Variants in MTUS1 observed in about 807,000 individuals in gnomAD.
MTUS1 encodes the protein microtubule associated scaffold protein 1.
Under a neutral mutation model 120.8 loss-of-function variants are expected in MTUS1, and 109 were observed. The observed-to-expected ratio is 0.90, with a 90% CI of 0.77 to 1.06. The LOEUF is 1.06. Among genes scored for constraint, MTUS1 ranks in the 50% least tolerant of loss-of-function variants. The probability of loss-of-function intolerance (pLI) is 0.00; values close to 1 mark genes in which losing one functional copy is unlikely to be tolerated. For synonymous variants in MTUS1, 737 were observed against 550.5 expected, an observed-to-expected ratio of 1.34 and a Z score of -4.74; for missense variants, 2,210 against 1,486.3, an observed-to-expected ratio of 1.49 and a Z score of -8.01.
chr8:17,774,707 T>G (rs2050276873), intron 1 of MTUS1, among the ~76,000 whole-genome samples: 1 of 152,042 alleles, frequency 6.6e-6, no homozygotes, highest in South Asian at 2.1e-4. Context: ...AAACATAGAA[T>G]TGCCATATGA....
At chr8:17,650,362 G>A (rs1457762675) in intron 12 of MTUS1, among the ~76,000 whole-genome samples, 2 of 152,166 alleles carry the variant, frequency 1.3e-5, no homozygotes, top group Non-Finnish European at 2.9e-5. Context: ...GAAAGAAAAA[G>A]CAGTGCATTA....
chr8:17,645,948 C>T lies in MTUS1; in HGVS notation c.3791G>A (p.Ser1264Asn). Residue 1264 changes from serine (S) to asparagine (N), a missense_variant, in exon 15 of 15, where the codon AGC becomes AAC. Physicochemically the swap from Ser to Asn is conservative, Grantham distance 46 (BLOSUM62 1). Coordinates refer to ENST00000693296, the MANE Select transcript of MTUS1 (RefSeq NM_001363059.2). ...QSPRNSGSFP[S>N]PSISPR ...GTGTCATCTGGGTGAAATGCTGGGGCTAGGGAAGGAGCCCGAATTCCTTGG... is the reference window on the plus strand; with the variant it reads ...GTGTCATCTGGGTGAAATGCTGGGGTTAGGGAAGGAGCCCGAATTCCTTGG... The T allele has an allele frequency of 6.2e-7, 1 of 1,612,094 alleles. No individual in the cohort carries two copies. The highest frequency in any genetic ancestry group is 8.5e-7 in the Non-Finnish European group (1 of 1,179,774).
chr8:17,789,036 C>CT (rs1047810081), intron 1 of MTUS1, among the ~76,000 whole-genome samples: 6,069 of 144,270 alleles, frequency 0.042, 256 homozygotes, highest in African/African-American at 0.11. Context: ...TTTTAGTTGT[C>CT]TTTTTTTTTT....
At chr8:17,758,379 T>C (rs142745028) in intron 1 of MTUS1, among the ~76,000 whole-genome samples, 1 of 151,614 alleles carries the variant, frequency 6.6e-6, no homozygotes, top group Non-Finnish European at 1.5e-5. Context: ...AAAAGCGATT[T>C]TGAATCCAAA....
At chr8:17,727,827 G>A in intron 3 of MTUS1, among the ~76,000 whole-genome samples, 2 of 152,212 alleles carry the variant, frequency 1.3e-5, no homozygotes, top group South Asian at 4.1e-4. Context: ...ACAACAGATT[G>A]GTTTTTATTC....
chr8:17,686,058 C>T (rs1047319828), intron 6 of MTUS1, among the ~76,000 whole-genome samples: 8 of 152,198 alleles, frequency 5.3e-5, no homozygotes, highest in East Asian at 1.9e-4. Flanking sequence ...GAAATTGTCA[C>T]ATAACACATA....
intron 1 of MTUS1, among the ~76,000 whole-genome samples, chr8:17,757,739 C>A (rs1453637399): frequency 6.6e-6 from 1 of 152,152 alleles, no homozygotes; most frequent in Admixed American, 6.5e-5. Flanking sequence ...ACTGGCCAGG[C>A]TGGTCTCGAA....
chr8:17,649,454 A>C (rs1046889160), intron 13 of MTUS1, among the ~76,000 whole-genome samples: 1 of 152,182 alleles, frequency 6.6e-6, no homozygotes, highest in African/African-American at 2.4e-5. Flanking sequence ...ATTTCTATTC[A>C]TTTCTATTAA....
At chr8:17,651,284 T>C (rs1054331673) in intron 12 of MTUS1, among the ~76,000 whole-genome samples, 2 of 152,056 alleles carry the variant, frequency 1.3e-5, no homozygotes, top group Non-Finnish European at 2.9e-5. Flanking sequence ...TTCAAGAACA[T>C]AGTAGGGTGA....
intron 1 of MTUS1, among the ~76,000 whole-genome samples, chr8:17,783,379 T>C (rs766505755): frequency 7.2e-5 from 11 of 152,064 alleles, no homozygotes; most frequent in South Asian, 2.1e-4. Flanking sequence ...CCAAGTTCCC[T>C]CTCTTGCCCT....
intron 1 of MTUS1, among the ~76,000 whole-genome samples, chr8:17,793,292 C>G (rs188137758): frequency 1.3e-5 from 2 of 152,184 alleles, no homozygotes; most frequent in African/African-American, 4.8e-5. Context: ...CTCTGATGCT[C>G]TGCTCCCAAA....
Position 17,754,637 on chromosome 8 carries a change from G to C in MTUS1, c.1171C>G (p.His391Asp). 1 of 1,614,190 alleles carries C rather than the reference G, an allele frequency of 6.2e-7. No individual in the cohort carries two copies. Among genetic ancestry groups the C allele is most frequent in the South Asian group, 1.1e-5 (1 of 91,088 alleles). The change falls in exon 2 of 15, where the codon CAT becomes GAT. Residue 391 changes from histidine (H) to aspartate (D), a missense_variant. Transcript: ENST00000693296. Reference sequence around the variant, plus strand: ...CTACTTAGAATCAATTCTGAGGTATGATTTTGGGTTCCCAAATCCTTTCCT... The same window carrying C: ...CTACTTAGAATCAATTCTGAGGTATCATTTTGGGTTCCCAAATCCTTTCCT... ...SKGKDLGTQNHTSELILSSPP... is the reference protein window; with the variant it reads ...SKGKDLGTQNDTSELILSSPP...
At chr8:17,689,017 C>A (rs1433984007) in intron 6 of MTUS1, among the ~76,000 whole-genome samples, 4 of 152,110 alleles carry the variant, frequency 2.6e-5, no homozygotes, top group African/African-American at 7.2e-5. Flanking sequence ...TGAGACCATT[C>A]TGGCTAACAC....
intron 6 of MTUS1, among the ~76,000 whole-genome samples, chr8:17,692,996 T>A (rs1406446146): frequency 1.3e-5 from 2 of 152,180 alleles, no homozygotes; most frequent in Non-Finnish European, 2.9e-5. Context: ...CAGAAAGAAT[T>A]CTGTCTTTAG....
rs1805664692 is a variant in MTUS1, at chr8:17,645,872, C to G, written c.*54G>C. 6.4e-7 allele frequency: 1 copy of G among 1,565,694 alleles called. No individual in the cohort carries two copies. Among genetic ancestry groups the G allele is most frequent in the Non-Finnish European group, 8.7e-7 (1 of 1,155,768 alleles). On this transcript the variant is annotated 3_prime_UTR_variant, in exon 15 of 15. Transcript: ENST00000693296. ...GCCCACGTTCCTCCTTGGGGTCAGT[C>G]CTGCAGACCTGCATCAAAATGCTTT...
chr8:17,714,096 A>G (rs1186950853), intron 5 of MTUS1, among the ~76,000 whole-genome samples: 2 of 151,672 alleles, frequency 1.3e-5, no homozygotes, highest in African/African-American at 4.9e-5. Context: ...GGGCTTTATC[A>G]TCATCAATAA....
chr8:17,678,785 A>G (rs1329050149), intron 7 of MTUS1, among the ~76,000 whole-genome samples: 1 of 151,732 alleles, frequency 6.6e-6, no homozygotes, highest in East Asian at 1.9e-4. Flanking sequence ...CATTTTGAAG[A>G]ATTAGAGGTT....
chr8:17,730,875 G>C (rs2046528350), intron 3 of MTUS1, among the ~76,000 whole-genome samples: 2 of 152,192 alleles, frequency 1.3e-5, no homozygotes, highest in African/African-American at 4.8e-5. Context: ...GGAAAACAAA[G>C]TTCTGGAGAT....
At chr8:17,717,096 C>T (rs1034763888) in intron 4 of MTUS1, among the ~76,000 whole-genome samples, 1 of 152,194 alleles carries the variant, frequency 6.6e-6, no homozygotes, top group African/African-American at 2.4e-5. Flanking sequence ...CACATTCAAA[C>T]TTTGTACAGG....
Sources: gnomAD v4.1 joint callset for allele counts (sites outside exome capture counted in the v4.1 genomes callset) on GRCh38, gnomAD v4.1.1 for gene constraint, MANE v1.5 for transcripts, NCBI Gene and HGNC (gene_info 2026-07-23, HGNC 2026-07-21) for gene names.